NRG1: variants seen among roughly 807,000 people sequenced by gnomAD.
The protein encoded by NRG1 is neuregulin 1.
In NRG1, 18 loss-of-function variants were observed where a neutral mutation model predicts 63.8. The ratio of observed to expected loss-of-function variants is 0.28; its 90% confidence interval spans 0.19 to 0.42. The LOEUF (loss-of-function observed/expected upper bound fraction) is 0.42. Ranked by LOEUF, NRG1 falls within the 10% of genes least tolerant of loss-of-function variation. NRG1 has a pLI of 1.00. For missense variants in NRG1, 762 were observed against 814.7 expected, an observed-to-expected ratio of 0.94 and a Z score of 0.79; for synonymous variants, 302 against 301.3, an observed-to-expected ratio of 1.00 and a Z score of -0.02.
At chr8:31,903,878 C>G (rs1260895331) in intron 1 of NRG1, among the ~76,000 whole-genome samples, 1 of 151,970 alleles carries the variant, frequency 6.6e-6, no homozygotes, top group Non-Finnish European at 1.5e-5. Context: ...TCATTTGAAC[C>G]CTGCAGAGGA....
Position 32,302,956 on chromosome 8 carries a change from C to T in NRG1, c.38-292872C>T, listed in dbSNP as rs377186915. 1.8e-4 allele frequency among the ~76,000 whole-genome samples: 28 copies of T among 152,098 alleles called. 1 individual carries two copies. The highest frequency in any genetic ancestry group is 5.8e-4 in the African/African-American group (24 of 41,510). ...TAGCACTTTCGGAGGCCGAGGAGGG[C>T]GGATCACCTGAGGTCAGGAGTTCGA... On this transcript the variant is annotated intron_variant, in intron 1 of 10. Coordinates refer to the NRG1 transcript ENST00000519301.
chr8:32,576,180 A>T (rs1839600526), intron 1 of NRG1, among the ~76,000 whole-genome samples: 1 of 152,176 alleles, frequency 6.6e-6, no homozygotes, highest in Non-Finnish European at 1.5e-5. Context: ...TAATGTAATT[A>T]TTTTAAATCA....
intron 1 of NRG1, among the ~76,000 whole-genome samples, chr8:31,901,828 T>C (rs550967140): frequency 6.6e-6 from 1 of 152,330 alleles, no homozygotes; most frequent in Middle Eastern, 3.4e-3. Flanking sequence ...CTGGTTATTG[T>C]CATCATTCCT....
chr8:32,038,128 G>A (rs1819369692), intron 1 of NRG1, among the ~76,000 whole-genome samples: 1 of 152,268 alleles, frequency 6.6e-6, no homozygotes, highest in South Asian at 2.1e-4. Context: ...GGCCCTTGGT[G>A]GTGTGGGCTC....
chr8:31,766,461 G>A (rs1238100568), intron 1 of NRG1, among the ~76,000 whole-genome samples: 1 of 152,130 alleles, frequency 6.6e-6, no homozygotes, highest in Non-Finnish European at 1.5e-5. Flanking sequence ...TGTTCCTATG[G>A]GAAGCTGGAA....
chr8:32,038,115 C>G (rs529431390), intron 1 of NRG1, among the ~76,000 whole-genome samples: 1 of 152,252 alleles, frequency 6.6e-6, no homozygotes. Context: ...GTTTTGGACC[C>G]AAGGCCCTTG....
chr8:31,783,865 C>T (rs1819934752), intron 1 of NRG1, among the ~76,000 whole-genome samples: 1 of 152,180 alleles, frequency 6.6e-6, no homozygotes, highest in Non-Finnish European at 1.5e-5. Context: ...TACTCATAAT[C>T]ATAATGGCTA....
chr8:32,551,771 T>C (rs1179035390), intron 1 of NRG1, among the ~76,000 whole-genome samples: 1 of 152,136 alleles, frequency 6.6e-6, no homozygotes, highest in Non-Finnish European at 1.5e-5. Context: ...TAGTCTTGGG[T>C]GCTGTATCAC....
At chr8:31,685,179 G>C (rs1243593920) in intron 1 of NRG1, among the ~76,000 whole-genome samples, 5 of 152,066 alleles carry the variant, frequency 3.3e-5, no homozygotes, top group Non-Finnish European at 7.4e-5. Context: ...TTTGTACTGG[G>C]GGATACTTAT....
At chr8:32,355,730 A>G (rs962275782) in intron 1 of NRG1, among the ~76,000 whole-genome samples, 7 of 151,828 alleles carry the variant, frequency 4.6e-5, no homozygotes, top group African/African-American at 1.7e-4. Flanking sequence ...TTGTTTCCTC[A>G]CCTTGATGTT....
intron 5 of NRG1, among the ~76,000 whole-genome samples, chr8:32,689,681 CATAT>C: frequency 6.6e-6 from 1 of 152,148 alleles, no homozygotes; most frequent in South Asian, 2.1e-4. Context: ...TATGTGTATA[CATAT>C]ATGTATGTGT....
At chr8:31,893,501 A>C (rs1208950516) in intron 1 of NRG1, among the ~76,000 whole-genome samples, 2 of 151,602 alleles carry the variant, frequency 1.3e-5, no homozygotes, top group Non-Finnish European at 3.0e-5. Context: ...TTTGTATATT[A>C]AATATTTATA....
intron 1 of NRG1, among the ~76,000 whole-genome samples, chr8:32,236,929 T>C (rs1225879595): frequency 6.6e-6 from 1 of 152,144 alleles, no homozygotes; most frequent in African/African-American, 2.4e-5. Flanking sequence ...CCAAGATGAG[T>C]GTGATGCTAT....
intron 1 of NRG1, among the ~76,000 whole-genome samples, chr8:32,218,218 C>T (rs2170417): frequency 0.8 from 121,804 of 152,140 alleles, 49,498 homozygotes; most frequent in African/African-American, 0.92. Context: ...GATGTGTAAA[C>T]AGATTGTAGC....
At chr8:31,887,723 A>G (rs577979845) in intron 1 of NRG1, among the ~76,000 whole-genome samples, 2 of 152,220 alleles carry the variant, frequency 1.3e-5, no homozygotes, top group South Asian at 4.1e-4. Context: ...AGGATCTTTA[A>G]TGATAGGAGT....
intron 1 of NRG1, among the ~76,000 whole-genome samples, chr8:32,511,399 A>ATATATATATATATAT (rs71208189): frequency 7.0e-6 from 1 of 143,834 alleles, no homozygotes; most frequent in African/African-American, 2.5e-5. Context: ...ATATATATAT[A>ATATATATATATATAT]AATAAAATAA....
At chr8:32,406,233 T>A (rs1409565827) in intron 1 of NRG1, among the ~76,000 whole-genome samples, 1 of 152,182 alleles carries the variant, frequency 6.6e-6, no homozygotes, top group Non-Finnish European at 1.5e-5. Context: ...TAGAATTACA[T>A]GGGATAATTC....
chr8:32,141,600 A>ATG (rs1211075663), intron 1 of NRG1, among the ~76,000 whole-genome samples: 1 of 90,548 alleles, frequency 1.1e-5, no homozygotes, highest in East Asian at 2.3e-4. Flanking sequence ...GGGTATATAT[A>ATG]TATATATATA....
At chr8:32,045,555 C>G (rs976989995) in intron 1 of NRG1, among the ~76,000 whole-genome samples, 6 of 151,810 alleles carry the variant, frequency 4.0e-5, no homozygotes, top group Non-Finnish European at 5.9e-5. Flanking sequence ...AAATTATGTG[C>G]TCAATTTTAA....
Sources: gnomAD v4.1 joint callset for allele counts (sites outside exome capture counted in the v4.1 genomes callset) on GRCh38, gnomAD v4.1.1 for gene constraint, MANE v1.5 for transcripts, NCBI Gene and HGNC (gene_info 2026-07-23, HGNC 2026-07-21) for gene names.